Variants in TET3 observed in about 807,000 individuals in gnomAD.
TET3 encodes tet methylcytosine dioxygenase 3.
Under a neutral mutation model 141.4 loss-of-function variants are expected in TET3, and 19 were observed. The ratio of observed to expected loss-of-function variants is 0.13; its 90% confidence interval spans 0.09 to 0.20. The LOEUF is 0.20. TET3 is among the 10% of genes least tolerant of loss of function. The pLI is 1.00. For missense variants in TET3, 1,874 were observed against 2,356.9 expected (o/e 0.80, Z 4.24); for synonymous variants, 1,043 against 980.9 (o/e 1.06, Z -1.18).
intron 3 of TET3, among the ~76,000 whole-genome samples, chr2:74,027,385 A>G (rs557716935): frequency 3.3e-5 from 5 of 149,706 alleles, no homozygotes; most frequent in Non-Finnish European, 7.4e-5. Context: ...TATAAATCAT[A>G]TACAGTTCAC....
chr2:74,084,455 CTTT>C (rs752192332), intron 6 of TET3, among the ~76,000 whole-genome samples: 5 of 142,664 alleles, frequency 3.5e-5, no homozygotes, highest in Admixed American at 7.0e-5. Flanking sequence ...ATGTCTCTCT[CTTT>C]TTTTTTTTTT....
intron 3 of TET3, among the ~76,000 whole-genome samples, chr2:74,035,662 G>T (rs576906617): frequency 6.6e-6 from 1 of 152,216 alleles, no homozygotes; most frequent in African/African-American, 2.4e-5. Context: ...AGGAGGTGGA[G>T]GTTGCATTGA....
chr2:74,127,118 C>T, the TET3 span, among the ~76,000 whole-genome samples: 3 of 152,134 alleles, frequency 2.0e-5, no homozygotes, highest in Non-Finnish European at 4.4e-5. Flanking sequence ...GAGCTGCTTG[C>T]CTCTACATTC....
At chr2:74,124,655 T>G in the TET3 span, among the ~76,000 whole-genome samples, 2 of 152,216 alleles carry the variant, frequency 1.3e-5, no homozygotes, top group African/African-American at 4.8e-5. Context: ...AAACATGTGC[T>G]GTGTCCACTC....
rs1691168184 is a variant in TET3, at chr2:74,100,931, C to T, written c.4143C>T (p.Asp1381=). ...CCCTACTCCACTCAGTGTCCAGGGA[C>T]CCCTCCCCCTTTGCCCAGAGCTCCA... ...KAPLLHSVSR[D]PSPFAQSSNC... The change falls in exon 12 of 12, where the codon GAC becomes GAT. Residue 1381 remains aspartate, a synonymous_variant. Coordinates refer to ENST00000409262, the MANE Select transcript of TET3 (RefSeq NM_001287491.2). The T allele has an allele frequency of 6.2e-7, 1 of 1,610,952 alleles. No homozygotes were observed. The highest frequency in any genetic ancestry group is 8.5e-7 in the Non-Finnish European group (1 of 1,178,708).
At chr2:74,133,983 T>TC in the TET3 span, among the ~76,000 whole-genome samples, 2,918 of 150,926 alleles carry the variant, frequency 0.019, 85 homozygotes, top group African/African-American at 0.067. Flanking sequence ...GACCTTGTGA[T>TC]CCCCCCCCCT....
rs901831025 is a variant in TET3 at position 74,087,707 on chromosome 2, G to A, written c.2680-123G>A. The A allele has an allele frequency of 1.3e-5, 11 of 873,552 alleles. No homozygotes were observed. The East Asian group carries it at 2.7e-4, about 22-fold the overall frequency. The allele number at this position is 873,552 out of a possible 1,614,324, so 54.1% of individuals were successfully genotyped here. On this transcript the variant is annotated intron_variant, in intron 6 of 11. Coordinates refer to ENST00000409262, the MANE Select transcript of TET3 (RefSeq NM_001287491.2). The surrounding 1 kb of genome is among the most constrained non-coding windows in gnomAD (Gnocchi z 4.3). ...TGTAAGGTTGCTGTCTTCAGGGCATGACATCCCTAGAACCCTGCCGTTAAG... is the reference window on the plus strand; with the variant it reads ...TGTAAGGTTGCTGTCTTCAGGGCATAACATCCCTAGAACCCTGCCGTTAAG...
At position 74,093,024 on chromosome 2, in the gene TET3, G is replaced by T; in HGVS notation, c.3129+33G>T. The T allele has an allele frequency of 6.5e-7, 1 of 1,537,908 alleles. No individual in the cohort carries two copies. The highest frequency in any genetic ancestry group is 1.2e-5 in the South Asian group (1 of 83,820). On this transcript the variant is annotated intron_variant, in intron 9 of 11. Transcript: ENST00000409262. The surrounding 1 kb of genome is among the most constrained non-coding windows in gnomAD (Gnocchi z 4.2). Reference sequence around the variant, plus strand: ...GCCCTGGGCCTTTTGCTGCCCACATGTCACCGTCCACATCTCTGCTCAGGC... The same window carrying T: ...GCCCTGGGCCTTTTGCTGCCCACATTTCACCGTCCACATCTCTGCTCAGGC...
intron 4 of TET3, among the ~76,000 whole-genome samples, chr2:74,061,861 A>G (rs1688609508): frequency 8.1e-6 from 1 of 123,096 alleles, no homozygotes; most frequent in Non-Finnish European, 1.7e-5. Flanking sequence ...CCTACATGGG[A>G]TGGCGGCCGG....
At chr2:74,128,846 G>A in the TET3 span, among the ~76,000 whole-genome samples, 1 of 151,770 alleles carries the variant, frequency 6.6e-6, no homozygotes, top group South Asian at 2.1e-4. Context: ...CAATAAAATA[G>A]CCAGGCATGG....
rs1685220368 is a variant in TET3 at position 74,007,810 on chromosome 2, G to T, written c.360+4644G>T. ...TGGGGAAGGACCAGTTTTTTTGTTT[G>T]TTTGTTTTTTGTTTTTCAGTGTTCC... is the stretch of plus-strand genomic sequence containing the variant. On this transcript the variant is annotated intron_variant, in intron 3 of 11. Coordinates refer to ENST00000409262, the MANE Select transcript of TET3 (RefSeq NM_001287491.2). 3.3e-5 allele frequency among the ~76,000 whole-genome samples: 5 copies of T among 152,214 alleles called. No homozygotes were observed. The South Asian group carries it at 1.0e-3, about 32-fold the overall frequency.
At chr2:74,112,494 G>A (rs951384576), downstream of TET3, among the ~76,000 whole-genome samples, 2 of 142,078 alleles carry the variant, frequency 1.4e-5, no homozygotes, top group African/African-American at 5.4e-5. Context: ...TATACTCAAG[G>A]AAGTAAATAA....
At chr2:74,073,481 G>T in intron 4 of TET3, 68 bp from the exon 5 acceptor site, 2 of 1,252,542 alleles carry the variant, frequency 1.6e-6, no homozygotes, top group African/African-American at 3.1e-5. Flanking sequence ...CCTGTTGGTG[G>T]TTTGCTTTTC....
At chr2:73,994,669 C>T (rs537227071) in intron 2 of TET3, among the ~76,000 whole-genome samples, 7 of 130,982 alleles carry the variant, frequency 5.3e-5, no homozygotes, top group South Asian at 2.3e-4. Flanking sequence ...TACGGAGTCT[C>T]GCTGTGTCCC....
intron 2 of TET3, chr2:73,998,332 G>A (rs1684695210): frequency 6.6e-6 from 1 of 152,242 alleles, no homozygotes; most frequent in African/African-American, 2.4e-5. Flanking sequence ...CAGACTATAA[G>A]ACCTTTTCAC....
intron 4 of TET3, among the ~76,000 whole-genome samples, chr2:74,056,565 C>T (rs1025686020): frequency 6.6e-6 from 1 of 152,068 alleles, no homozygotes; most frequent in African/African-American, 2.4e-5. Flanking sequence ...ACCTTCACTT[C>T]TTCTCTCAGT....
At chr2:74,009,143 G>T (rs1685297982) in intron 3 of TET3, among the ~76,000 whole-genome samples, 1 of 152,144 alleles carries the variant, frequency 6.6e-6, no homozygotes, top group South Asian at 2.1e-4. Context: ...TTGGTTCCTA[G>T]CCCTGCTAAG....
Position 73,986,598 on chromosome 2 carries a change from G to T in TET3, c.195G>T (p.Arg65=). The T allele has an allele frequency of 8.1e-7, 1 of 1,232,180 alleles. No individual in the cohort carries two copies. The highest frequency in any genetic ancestry group is 1.0e-6 in the Non-Finnish European group (1 of 988,012). The allele number at this position is 1,232,180 out of a possible 1,614,324, so 76.3% of individuals were successfully genotyped here. The change falls in exon 2 of 12, where the codon CGG becomes CGT. Residue 65 remains arginine, a synonymous_variant. Coordinates refer to ENST00000409262, the MANE Select transcript of TET3 (RefSeq NM_001287491.2). ...GTGGTACTTGTGAGCCCTGCCGGCG[G>T]CTGGAAAACTGTGGCGCTTGCACTA... ...KRCGTCEPCR[R]LENCGACTSC...
intron 4 of TET3, among the ~76,000 whole-genome samples, chr2:74,058,486 CT>C (rs1329623972): frequency 6.7e-6 from 1 of 150,314 alleles, no homozygotes; most frequent in African/African-American, 2.5e-5. Context: ...TGCCGATTAA[CT>C]TATTAAATTT....
Sources: gnomAD v4.1 joint callset for allele counts (sites outside exome capture counted in the v4.1 genomes callset) on GRCh38, gnomAD v4.1.1 for gene constraint, Gnocchi (gnomAD v3.1) non-coding constraint, MANE v1.5 for transcripts, NCBI Gene and HGNC (gene_info 2026-07-23, HGNC 2026-07-21) for gene names.